RABGAP1L: variants seen among roughly 807,000 people sequenced by gnomAD.
The protein encoded by RABGAP1L is RAB GTPase activating protein 1 like.
A neutral mutation model predicts 137.7 loss-of-function variants in RABGAP1L; 63 were observed. That is an observed-to-expected ratio of 0.46 (90% confidence interval 0.37 to 0.56). RABGAP1L has a LOEUF of 0.56. RABGAP1L is among the 20% of genes least tolerant of loss of function. The probability of loss-of-function intolerance (pLI) is 0.00; values close to 1 mark genes in which losing one functional copy is unlikely to be tolerated. For synonymous variants in RABGAP1L, 431 were observed against 433.7 expected (o/e 0.99, Z 0.08); for missense variants, 1,095 against 1,244.0 (o/e 0.88, Z 1.80).
Position 174,744,090 on chromosome 1 carries a change from T to TAAAA in RABGAP1L, c.2170-8199_2170-8196dup, listed in dbSNP as rs10694829. On this transcript the variant is annotated intron_variant, in intron 17 of 25. Coordinates refer to ENST00000681986, the MANE Select transcript of RABGAP1L (RefSeq NM_001366446.1). ...CTACTATGTTGGTCTGTGAAATACG[T>TAAAA]AAAAAAAAAAAAAAAAAAAAAAAAA... Among the ~76,000 whole-genome samples the TAAAA allele has an allele frequency of 1.2e-3, 52 of 45,130 alleles. 3 individuals are homozygous for TAAAA. Among genetic ancestry groups the TAAAA allele is most frequent in the African/African-American group, 4.0e-3 (46 of 11,438 alleles). The allele number at this position is 45,130 out of a possible 152,430, so 29.6% of individuals were successfully genotyped here.
chr1:174,829,421 T>G (rs1691886026), intron 19 of RABGAP1L, among the ~76,000 whole-genome samples: 1 of 148,224 alleles, frequency 6.7e-6, no homozygotes, highest in South Asian at 2.2e-4. Context: ...CAATATAAAT[T>G]TGTGAATTTT....
chr1:174,302,923 A>G (rs1188373458), intron 10 of RABGAP1L, among the ~76,000 whole-genome samples: 2 of 152,234 alleles, frequency 1.3e-5, no homozygotes, highest in Middle Eastern at 3.2e-3. Flanking sequence ...ATCAGTCAGT[A>G]AATAACCAAA....
rs1669469419 is a variant in RABGAP1L, at chr1:174,964,804, A to G, written c.2434-4473A>G. 32 of 1,373,400 alleles carry G rather than the reference A, an allele frequency of 2.3e-5. 1 individual carries two copies. In the South Asian group the frequency reaches 5.2e-4, roughly 22 times the overall value. The allele number at this position is 1,373,400 out of a possible 1,614,324, so 85.1% of individuals were successfully genotyped here. A position where few individuals can be genotyped will look rare whatever the true frequency, so the allele number is the denominator to read the frequency against. On this transcript the variant is annotated intron_variant, in intron 20 of 25. Coordinates refer to ENST00000681986, the MANE Select transcript of RABGAP1L (RefSeq NM_001366446.1). ...TTCCATTGAATGTTTGCGGTCACAG[A>G]GAGAACTTAGAGTTATATGACACTC...
intron 1 of RABGAP1L, among the ~76,000 whole-genome samples, chr1:174,205,804 T>A (rs977369479): frequency 6.6e-6 from 1 of 152,232 alleles, no homozygotes; most frequent in African/African-American, 2.4e-5. Flanking sequence ...ACTTCTTTTC[T>A]TCTGGTAGCT....
At chr1:174,476,161 G>C (rs1658485919) in intron 13 of RABGAP1L, among the ~76,000 whole-genome samples, 1 of 152,090 alleles carries the variant, frequency 6.6e-6, no homozygotes, top group South Asian at 2.1e-4. Context: ...CTCTATGTAA[G>C]AGAAGATCTT....
At chr1:174,583,913 G>A (rs1265059383) in intron 13 of RABGAP1L, among the ~76,000 whole-genome samples, 2 of 152,164 alleles carry the variant, frequency 1.3e-5, no homozygotes, top group Non-Finnish European at 2.9e-5. Context: ...TGGGTTAGTA[G>A]GGGAAATGAA....
Position 174,988,753 on chromosome 1 carries a change from A to T in RABGAP1L, c.2918A>T (p.Asp973Val), listed in dbSNP as rs1416276756. Residue 973 changes from aspartate (D) to valine (V), a missense_variant, in exon 25 of 26, where the codon GAC becomes GTC. This residue lies in a region of RABGAP1L where 312 missense variants were observed against 435.6 expected (regional missense o/e 0.72). Transcript: ENST00000681986. ...DQGIETDDEK[D>V]SLKKQLREME... The stretch of plus-strand genomic sequence containing the variant: ...GGAATTGAAACAGATGATGAGAAGG[A>T]CTCACTTAAGAAGCAGCTGAGAGAG... 6.5e-7 allele frequency: 1 copy of T among 1,550,108 alleles called. No individual in the cohort carries two copies. Among genetic ancestry groups the T allele is most frequent in the East Asian group, 2.4e-5 (1 of 40,840 alleles).
At chr1:174,213,142 C>T (rs1669027085) in intron 1 of RABGAP1L, among the ~76,000 whole-genome samples, 1 of 152,050 alleles carries the variant, frequency 6.6e-6, no homozygotes, top group Non-Finnish European at 1.5e-5. Flanking sequence ...CAAACTATTC[C>T]AGCTGGGCAT....
chr1:174,758,964 C>T (rs1311978699), intron 18 of RABGAP1L, among the ~76,000 whole-genome samples: 2 of 152,164 alleles, frequency 1.3e-5, no homozygotes, highest in Non-Finnish European at 2.9e-5. Flanking sequence ...CCTGTGGATT[C>T]TACTTCTTGA....
chr1:174,389,189 C>G (rs567063284), intron 12 of RABGAP1L, among the ~76,000 whole-genome samples: 8 of 152,046 alleles, frequency 5.3e-5, no homozygotes, highest in Non-Finnish European at 1.0e-4. Context: ...GGTCGTATAA[C>G]TTCTCCGTAT....
In RABGAP1L at chr1:174,786,812, A is replaced by G. The variant is rs1480939742; in HGVS notation, c.2212-25020A>G. On this transcript the variant is annotated intron_variant, in intron 18 of 25. Transcript: ENST00000681986. The stretch of plus-strand genomic sequence containing the variant: ...CTTATTATCCCCTAGTTTAATATAT[A>G]TATTTTAAAAAGTTAAGCTGATATT... Among the ~76,000 whole-genome samples, 5 of 152,208 alleles carry G rather than the reference A, an allele frequency of 3.3e-5. No individual in the cohort carries two copies. The East Asian group carries it at 9.6e-4, about 29-fold the overall frequency.
intron 19 of RABGAP1L, among the ~76,000 whole-genome samples, chr1:174,863,146 G>A (rs937856324): frequency 2.2e-5 from 3 of 134,788 alleles, no homozygotes; most frequent in African/African-American, 5.6e-5. Flanking sequence ...CACCCACCTC[G>A]GCGTCCCAAA....
intron 13 of RABGAP1L, among the ~76,000 whole-genome samples, chr1:174,620,279 C>G (rs1406911661): frequency 1.3e-5 from 2 of 152,190 alleles, no homozygotes; most frequent in African/African-American, 2.4e-5. Flanking sequence ...CTGCACCAAG[C>G]AGACCTAACA....
At chr1:174,616,811 G>A (rs1372616138) in intron 13 of RABGAP1L, among the ~76,000 whole-genome samples, 1 of 152,210 alleles carries the variant, frequency 6.6e-6, no homozygotes, top group Non-Finnish European at 1.5e-5. Context: ...GTAACAGTTT[G>A]TGGCCTTTTG....
intron 1 of RABGAP1L, among the ~76,000 whole-genome samples, chr1:174,161,822 G>T (rs1470516922): frequency 6.6e-6 from 1 of 152,174 alleles, no homozygotes; most frequent in East Asian, 1.9e-4. Flanking sequence ...ACGAAGTTCT[G>T]GTCTCAAGAG....
chr1:174,330,605 C>G (rs1289139732), intron 11 of RABGAP1L, among the ~76,000 whole-genome samples: 1 of 147,460 alleles, frequency 6.8e-6, no homozygotes, highest in Non-Finnish European at 1.5e-5. Flanking sequence ...AACAAACAAA[C>G]AAAACACCTA....
At chr1:174,460,037 C>T (rs995551037) in intron 13 of RABGAP1L, among the ~76,000 whole-genome samples, 1 of 151,994 alleles carries the variant, frequency 6.6e-6, no homozygotes, top group Non-Finnish European at 1.5e-5. Context: ...TAAGAAAAGA[C>T]CTCAGGGATT....
At chr1:174,789,840 A>C (rs1687720027) in intron 18 of RABGAP1L, among the ~76,000 whole-genome samples, 3 of 152,198 alleles carry the variant, frequency 2.0e-5, no homozygotes, top group Non-Finnish European at 4.4e-5. Flanking sequence ...TACCCTTGCC[A>C]ATTAACATTT....
intron 13 of RABGAP1L, among the ~76,000 whole-genome samples, chr1:174,462,873 A>G (rs1656847764): frequency 6.6e-6 from 1 of 152,202 alleles, no homozygotes; most frequent in Non-Finnish European, 1.5e-5. Flanking sequence ...AAAATTCTCA[A>G]AAGAAGACAT....
Sources: allele counts gnomAD v4.1 joint callset (sites outside exome capture counted in the v4.1 genomes callset), GRCh38; gene constraint gnomAD v4.1.1; regional missense constraint gnomAD v4.1.1; transcripts MANE v1.5; gene names NCBI Gene and HGNC (gene_info 2026-07-23, HGNC 2026-07-21).